SOX6: variants seen among roughly 807,000 people sequenced by gnomAD.
The protein encoded by SOX6 is SRY-box transcription factor 6.
SOX6 carries 11 observed loss-of-function variants against 97.8 expected under a neutral mutation model. The ratio of observed to expected loss-of-function variants is 0.11; its 90% CI spans 0.07 to 0.19. SOX6 has a LOEUF of 0.19. Ranked by LOEUF, SOX6 falls within the 10% of genes least tolerant of loss-of-function variation. The pLI is 1.00. For synonymous variants in SOX6, 360 were observed against 371.4 expected (o/e 0.97, Z 0.35); for missense variants, 810 against 1,039.5 (o/e 0.78, Z 3.04).
intron 4 of SOX6, among the ~76,000 whole-genome samples, chr11:16,586,644 C>CA (rs1350389926): frequency 6.6e-6 from 1 of 151,900 alleles, no homozygotes; most frequent in Admixed American, 6.6e-5. Context: ...CCTTTGAGCC[C>CA]AAGAGTTCAA....
intron 4 of SOX6, among the ~76,000 whole-genome samples, chr11:16,516,397 T>C (rs1484270678): frequency 6.6e-6 from 1 of 152,204 alleles, no homozygotes; most frequent in African/African-American, 2.4e-5. Flanking sequence ...TACATCGATT[T>C]TGTATCCTGA....
chr11:16,348,220 C>T (rs756210050), intron 1 of SOX6, among the ~76,000 whole-genome samples: 2 of 152,096 alleles, frequency 1.3e-5, no homozygotes, highest in Non-Finnish European at 2.9e-5. Context: ...AGCATCAAAG[C>T]AGTTAAATAT....
At position 16,267,309 on chromosome 11, in the gene SOX6, C is replaced by T. The variant is rs528337678; in HGVS notation, c.446-32638G>A. 2.4e-4 allele frequency among the ~76,000 whole-genome samples: 37 copies of T among 151,376 alleles called. 1 individual carries two copies. Among genetic ancestry groups the T allele is most frequent in the Middle Eastern group, 3.4e-3 (1 of 294 alleles). ...AGCCATACATCTGATAAGGGATTAA[C>T]GTCCAAAATATATAAAGAAGTCAAA... On this transcript the variant is annotated intron_variant, in intron 3 of 15. Transcript: ENST00000683767.
chr11:16,659,752 T>G (rs919481527), intron 3 of SOX6, among the ~76,000 whole-genome samples: 1 of 152,176 alleles, frequency 6.6e-6, no homozygotes, highest in Admixed American at 6.5e-5. Flanking sequence ...AGTGAAACCA[T>G]CTGGGCCTGG....
At chr11:16,465,442 A>T (rs1326805317) in intron 1 of SOX6, among the ~76,000 whole-genome samples, 1 of 151,988 alleles carries the variant, frequency 6.6e-6, no homozygotes, top group Non-Finnish European at 1.5e-5. Context: ...TGATTCTACT[A>T]TATATATATA....
chr11:16,503,286 G>A (rs1292710487), intron 4 of SOX6, among the ~76,000 whole-genome samples: 2 of 150,892 alleles, frequency 1.3e-5, no homozygotes, highest in African/African-American at 4.9e-5. Context: ...TATAAAACTG[G>A]TAGAGCAAAC....
At chr11:16,543,301 C>CT (rs1861435501) in intron 4 of SOX6, among the ~76,000 whole-genome samples, 3 of 152,034 alleles carry the variant, frequency 2.0e-5, no homozygotes, top group East Asian at 3.9e-4. Context: ...TTTGTCCAAA[C>CT]TTTAACGGTA....
intron 9 of SOX6, among the ~76,000 whole-genome samples, chr11:16,085,184 C>T (rs1848551425): frequency 6.6e-6 from 1 of 152,122 alleles, no homozygotes; most frequent in African/African-American, 2.4e-5. Context: ...AGCAGGTGAA[C>T]AGCAACACTG....
At chr11:16,085,211 T>C (rs1848551839) in intron 9 of SOX6, among the ~76,000 whole-genome samples, 1 of 152,172 alleles carries the variant, frequency 6.6e-6, no homozygotes, top group Non-Finnish European at 1.5e-5. Context: ...GATATCTTTT[T>C]CTTTGTGAGC....
chr11:16,544,989 A>G (rs1432056609), intron 4 of SOX6, among the ~76,000 whole-genome samples: 7 of 152,120 alleles, frequency 4.6e-5, no homozygotes, highest in Non-Finnish European at 4.4e-5. Flanking sequence ...TTAGGAGGCC[A>G]AAGCAGGAGG....
intron 4 of SOX6, among the ~76,000 whole-genome samples, chr11:16,542,536 T>C (rs895845812): frequency 1.4e-4 from 22 of 152,148 alleles, no homozygotes; most frequent in African/African-American, 5.1e-4. Context: ...GTTTGAACTA[T>C]TAAGTTAAAC....
intron 3 of SOX6, among the ~76,000 whole-genome samples, chr11:16,682,859 C>T (rs1847939129): frequency 6.6e-6 from 1 of 152,218 alleles, no homozygotes; most frequent in African/African-American, 2.4e-5. Context: ...CGCCCAAAAT[C>T]TCCTTAAGCT....
intron 1 of SOX6, among the ~76,000 whole-genome samples, chr11:16,373,097 G>A (rs1331134680): frequency 6.6e-6 from 1 of 152,034 alleles, no homozygotes; most frequent in Non-Finnish European, 1.5e-5. Flanking sequence ...TCCTAATAGT[G>A]TGTTAGTATA....
Position 15,972,788 on chromosome 11 carries a change from A to C in SOX6, c.*21T>G. 1 of 1,613,914 alleles carries C rather than the reference A, an allele frequency of 6.2e-7. No homozygotes were observed. Among genetic ancestry groups the C allele is most frequent in the South Asian group, 1.1e-5 (1 of 91,080 alleles). On this transcript the variant is annotated 3_prime_UTR_variant, in exon 16 of 16. Transcript: ENST00000683767. ...GGGGGGTGAAATGTCAGAGTACTTT[A>C]ATTCAGCAAACAAAAACTCCTCAGT... is the stretch of plus-strand genomic sequence containing the variant.
chr11:16,079,267 CTG>C (rs1307401569), intron 9 of SOX6, among the ~76,000 whole-genome samples: 1 of 152,040 alleles, frequency 6.6e-6, no homozygotes, highest in African/African-American at 2.4e-5. Flanking sequence ...GCATGGGTAA[CTG>C]TGTAATGACA....
chr11:16,571,710 A>G (rs532166960), intron 4 of SOX6, among the ~76,000 whole-genome samples: 34 of 152,228 alleles, frequency 2.2e-4, no homozygotes, highest in African/African-American at 7.7e-4. Context: ...GGAGTGCAGT[A>G]GTGCGATCTC....
At chr11:16,181,076 C>G (rs1315931673) in intron 6 of SOX6, among the ~76,000 whole-genome samples, 1 of 151,318 alleles carries the variant, frequency 6.6e-6, no homozygotes, top group Non-Finnish European at 1.5e-5. Flanking sequence ...TCTATTAAAG[C>G]TTGCAAATTG....
intron 4 of SOX6, among the ~76,000 whole-genome samples, chr11:16,548,357 G>A (rs1847643972): frequency 6.6e-6 from 1 of 152,040 alleles, no homozygotes; most frequent in African/African-American, 2.4e-5. Flanking sequence ...GTAACTATAA[G>A]GGAAACTCTA....
intron 4 of SOX6, among the ~76,000 whole-genome samples, chr11:16,523,929 C>T (rs1459270355): frequency 2.6e-5 from 4 of 152,136 alleles, no homozygotes; most frequent in African/African-American, 9.7e-5. Context: ...CAAGACTAAA[C>T]CAGGAAGAAG....
Sources: allele counts gnomAD v4.1 joint callset (sites outside exome capture counted in the v4.1 genomes callset), GRCh38; gene constraint gnomAD v4.1.1; transcripts MANE v1.5; gene names NCBI Gene and HGNC (gene_info 2026-07-23, HGNC 2026-07-21).